DENND10: variants seen among roughly 807,000 people sequenced by gnomAD.
The protein encoded by DENND10 is DENN domain containing 10, also known as DENN domain-containing protein 10.
In DENND10, 24 loss-of-function variants were observed where a neutral mutation model predicts 43.6. The ratio of observed to expected loss-of-function variants is 0.55; its 90% CI spans 0.40 to 0.77. DENND10 has a LOEUF of 0.77. Among genes scored for constraint, DENND10 ranks in the 30% least tolerant of loss-of-function variants. The pLI is 0.00. For missense variants in DENND10, 303 were observed against 429.9 expected, an observed-to-expected ratio of 0.70 and a Z score of 2.61; for synonymous variants, 125 against 157.6, an observed-to-expected ratio of 0.79 and a Z score of 1.55.
In DENND10 at chr10:119,127,787, C is replaced by T. The variant is rs575821918; in HGVS notation, c.695-1728C>T. ...ACAGGCATGAGCCACTGCGCCTGGC[C>T]ACCAGCTAATTTTTGTATTTTTAGT... On this transcript the variant is annotated intron_variant, in intron 6 of 8. Coordinates refer to ENST00000361432, the MANE Select transcript of DENND10 (RefSeq NM_207009.4). Among the ~76,000 whole-genome samples, 18 of 152,138 alleles carry T rather than the reference C, an allele frequency of 1.2e-4. No individual in the cohort carries two copies. The South Asian group carries it at 3.7e-3, about 32-fold the overall frequency.
intron 6 of DENND10, among the ~76,000 whole-genome samples, chr10:119,128,490 C>T (rs1845931350): frequency 6.6e-6 from 1 of 151,954 alleles, no homozygotes; most frequent in Non-Finnish European, 1.5e-5. Flanking sequence ...CACCTGTAGT[C>T]CCAGCTACTC....
intron 1 of DENND10, among the ~76,000 whole-genome samples, chr10:119,107,366 G>A (rs1844743862): frequency 6.7e-6 from 1 of 149,706 alleles, no homozygotes; most frequent in African/African-American, 2.4e-5. Context: ...AAGCATTTGT[G>A]TGGGAGGAGA....
intron 7 of DENND10, among the ~76,000 whole-genome samples, chr10:119,131,150 T>G (rs989256842): frequency 2.6e-5 from 4 of 152,216 alleles, no homozygotes; most frequent in Admixed American, 6.5e-5. Flanking sequence ...AGTGGCATTC[T>G]TAGACATTCT....
In DENND10 at chr10:119,120,242, G is replaced by A. The variant is rs184301522; in HGVS notation, c.482-99G>A. On this transcript the variant is annotated intron_variant, in intron 4 of 8. Transcript: ENST00000361432. ...CAGCCTGGGTGACAGAGTGAGACTCGGTCTCAAAAAAAAAAGAAAAAAGAA... is the reference window on the plus strand; with the variant it reads ...CAGCCTGGGTGACAGAGTGAGACTCAGTCTCAAAAAAAAAAGAAAAAAGAA... The A allele has an allele frequency of 1.3e-4, 86 of 678,708 alleles. No homozygotes were observed. In the East Asian group the frequency reaches 2.0e-3, roughly 16 times the overall value. The allele number at this position is 678,708 out of a possible 1,614,324, so 42.0% of individuals were successfully genotyped here. A position where few individuals can be genotyped will look rare whatever the true frequency, so the allele number is the denominator to read the frequency against.
chr10:119,115,983 C>G (rs1589723911), intron 3 of DENND10, among the ~76,000 whole-genome samples: 2 of 152,066 alleles, frequency 1.3e-5, no homozygotes, highest in Admixed American at 6.6e-5. Flanking sequence ...GGGCTGGTCT[C>G]TAACTCCTGG....
chr10:119,126,485 GAC>G (rs35473375), intron 6 of DENND10, among the ~76,000 whole-genome samples: 84,650 of 151,696 alleles, frequency 0.56, 23,913 homozygotes, highest in South Asian at 0.67. Flanking sequence ...TCTTTTTTGA[GAC>G]AGAGTCTCCC....
intron 3 of DENND10, chr10:119,114,117 G>A (rs947764766): frequency 6.6e-6 from 1 of 152,150 alleles, no homozygotes; most frequent in Non-Finnish European, 1.5e-5. Flanking sequence ...CTTGTGCAGT[G>A]CGTGGCATTG....
At chr10:119,118,509 G>A (rs894702143) in intron 4 of DENND10, among the ~76,000 whole-genome samples, 1 of 152,174 alleles carries the variant, frequency 6.6e-6, no homozygotes, top group Admixed American at 6.6e-5. Flanking sequence ...CTCTGAAGGC[G>A]AGGCTGCCCT....
chr10:119,122,163 C>G (rs192499752), intron 5 of DENND10, among the ~76,000 whole-genome samples: 1 of 152,202 alleles, frequency 6.6e-6, no homozygotes, highest in African/African-American at 2.4e-5. Context: ...CAAAAATTAG[C>G]CAGGCATGGT....
At chr10:119,115,147 A>G (rs1044986854) in intron 3 of DENND10, among the ~76,000 whole-genome samples, 1 of 152,034 alleles carries the variant, frequency 6.6e-6, no homozygotes, top group Admixed American at 6.6e-5. Flanking sequence ...ACAGGAGAAT[A>G]TGCAGTGAAA....
rs367836571 is a variant in DENND10, at chr10:119,135,791, T to TAAAA, written c.898-658_898-655dup. Among the ~76,000 whole-genome samples, 299 of 63,996 alleles carry TAAAA rather than the reference T, an allele frequency of 4.7e-3. 4 individuals carry two copies. The highest frequency in any genetic ancestry group is 0.016 in the African/African-American group (270 of 16,980). 42.0% of individuals were successfully genotyped at this position (63,996 alleles called of 152,430 possible). On this transcript the variant is annotated intron_variant, in intron 8 of 8. Transcript: ENST00000361432. ...TACACTCAGAAAATGACTAAAATTG[T>TAAAA]AAAAAAAAAAAAAAAAAAAAAAAAA...
chr10:119,107,581 A>G (rs1844757707), intron 1 of DENND10, among the ~76,000 whole-genome samples: 1 of 151,792 alleles, frequency 6.6e-6, no homozygotes, highest in African/African-American at 2.4e-5. Flanking sequence ...TTTTTGTATT[A>G]TTAGTAGAGA....
At chr10:119,111,828 T>G in intron 2 of DENND10, 21 bp from the exon 3 acceptor site, 1 of 1,575,978 alleles carries the variant, frequency 6.3e-7, no homozygotes, top group Non-Finnish European at 8.7e-7. Context: ...AGTGTATTTT[T>G]TTGTTGTTTC....
chr10:119,108,159 A>G lies in DENND10; in HGVS notation c.247A>G (p.Lys83Glu). The G allele has an allele frequency of 6.2e-7, 1 of 1,609,522 alleles. No homozygotes were observed. The highest frequency in any genetic ancestry group is 8.5e-7 in the Non-Finnish European group (1 of 1,176,120). The change falls in exon 2 of 9, where the codon AAA (lysine) becomes GAA (glutamate). Residue 83 changes from lysine to glutamate, a missense_variant. Coordinates refer to ENST00000361432, the MANE Select transcript of DENND10 (RefSeq NM_207009.4). The part of the protein sequence containing the change: ...TIEVPDSSIL[K>E]KVTHFSIVLT... ...TGAAGTTCCAGATTCTTCCATTTTG[A>G]AAAAGGTATGATTGCGTGAAGGTAA...
rs182326518 is a variant in DENND10 at position 119,136,131 on chromosome 10, T to C, written c.898-340T>C. ...AGGTCGAGGCTGCAGTGAGCCATGA[T>C]TGAACCACTGCACTGCAACCTGGGT... is the stretch of plus-strand genomic sequence containing the variant. On this transcript the variant is annotated intron_variant, in intron 8 of 8. Transcript: ENST00000361432. 2.1e-3 allele frequency among the ~76,000 whole-genome samples: 316 copies of C among 152,220 alleles called. 1 individual carries two copies. Among genetic ancestry groups the C allele is most frequent in the African/African-American group, 7.3e-3 (304 of 41,566 alleles).
chr10:119,109,435 C>T (rs1456113721), intron 2 of DENND10, among the ~76,000 whole-genome samples: 1 of 152,042 alleles, frequency 6.6e-6, no homozygotes, highest in African/African-American at 2.4e-5. Flanking sequence ...TGTACCCAAA[C>T]AGAGATTTTT....
At chr10:119,115,382 A>ATTTTTTTTTTTTTTTTTTTTTTTTTTTT (rs397845392) in intron 3 of DENND10, among the ~76,000 whole-genome samples, 5 of 48,418 alleles carry the variant, frequency 1.0e-4, no homozygotes, top group South Asian at 1.3e-3. Context: ...TGAATTGGTA[A>ATTTTTTTTTTTTTTTTTTTTTTTTTTTT]TTTTTTTTTT....
intron 5 of DENND10, among the ~76,000 whole-genome samples, chr10:119,121,100 C>T (rs980369951): frequency 2.0e-5 from 3 of 151,914 alleles, no homozygotes; most frequent in African/African-American, 7.3e-5. Flanking sequence ...CGGGTGTGAG[C>T]CACTGTGCCC....
intron 3 of DENND10, 148 bp from the exon 4 acceptor site, chr10:119,117,371 C>CAA: frequency 1.2e-6 from 1 of 810,340 alleles, no homozygotes; most frequent in Non-Finnish European, 1.9e-6. Flanking sequence ...GACTCTGTCT[C>CAA]AAAAAAAACA....
Sources: gnomAD v4.1 joint callset for allele counts (sites outside exome capture counted in the v4.1 genomes callset) on GRCh38, gnomAD v4.1.1 for gene constraint, MANE v1.5 for transcripts, NCBI Gene and HGNC (gene_info 2026-07-23, HGNC 2026-07-21) for gene names.